Variants in VPS41 observed in about 807,000 individuals in gnomAD.
VPS41 encodes VPS41 subunit of HOPS complex, also known as vacuolar protein sorting-associated protein 41 homolog.
A neutral mutation model predicts 130.9 loss-of-function variants in VPS41; 85 were observed. The observed-to-expected ratio is 0.65, with a 90% CI of 0.55 to 0.78. The LOEUF (loss-of-function observed/expected upper bound fraction) is 0.78, where lower values mean the gene tolerates loss of function less well. Ranked by LOEUF, VPS41 falls within the 30% of genes least tolerant of loss-of-function variation. VPS41 has a pLI of 0.00. For synonymous variants in VPS41, 335 were observed against 332.9 expected, an observed-to-expected ratio of 1.01 and a Z score of -0.07; for missense variants, 874 against 1,018.7, an observed-to-expected ratio of 0.86 and a Z score of 1.93.
chr7:38,820,792 T>C (rs1785153934), intron 6 of VPS41, among the ~76,000 whole-genome samples: 1 of 152,210 alleles, frequency 6.6e-6, no homozygotes, highest in African/African-American at 2.4e-5. Flanking sequence ...TCATCAGTCC[T>C]TCTCCATTTA....
intron 10 of VPS41, among the ~76,000 whole-genome samples, chr7:38,784,021 T>C (rs958835297): frequency 2.0e-5 from 3 of 152,220 alleles, no homozygotes; most frequent in African/African-American, 7.2e-5. Context: ...CTTCCCCAAA[T>C]TGTCTTTAAA....
intron 24 of VPS41, among the ~76,000 whole-genome samples, chr7:38,742,418 G>A (rs975527800): frequency 2.0e-5 from 3 of 152,100 alleles, no homozygotes; most frequent in Non-Finnish European, 4.4e-5. Context: ...TCAAATGGGT[G>A]TAAATAATAT....
intron 4 of VPS41, among the ~76,000 whole-genome samples, chr7:38,842,866 A>C (rs139866557): frequency 2.0e-5 from 3 of 152,296 alleles, no homozygotes; most frequent in Non-Finnish European, 4.4e-5. Flanking sequence ...TTTCAGAACA[A>C]TAACTCACTT....
chr7:38,774,413 T>G (rs181433777), intron 11 of VPS41, among the ~76,000 whole-genome samples, 169 bp from the exon 12 acceptor site: 6 of 152,278 alleles, frequency 3.9e-5, no homozygotes, highest in African/African-American at 1.2e-4. Context: ...CAGTTCTGCA[T>G]GGTGGGAAAG....
intron 19 of VPS41, 45 bp from the exon 20 acceptor site, chr7:38,754,981 A>C (rs1783760575): frequency 6.3e-7 from 1 of 1,577,798 alleles, no homozygotes; most frequent in South Asian, 1.1e-5. Flanking sequence ...TCCGTTATTT[A>C]AGAAGAGAAG....
intron 2 of VPS41, among the ~76,000 whole-genome samples, chr7:38,887,440 T>C (rs979601282): frequency 6.6e-5 from 10 of 151,986 alleles, no homozygotes; most frequent in African/African-American, 2.4e-4. Context: ...TGATTGAAGA[T>C]CGAATTAGTG....
intron 4 of VPS41, among the ~76,000 whole-genome samples, chr7:38,856,696 C>G (rs1785993196): frequency 6.6e-6 from 1 of 152,086 alleles, no homozygotes; most frequent in Non-Finnish European, 1.5e-5. Flanking sequence ...GAGGCTGGTA[C>G]TGACACTATG....
intron 5 of VPS41, among the ~76,000 whole-genome samples, chr7:38,828,647 A>G (rs1785326889): frequency 6.6e-6 from 1 of 152,174 alleles, no homozygotes; most frequent in African/African-American, 2.4e-5. Context: ...GCTTACATGT[A>G]ATTATGTGTA....
At position 38,763,545 on chromosome 7, in the gene VPS41, A is replaced by G; in HGVS notation, c.1332T>C (p.Ala444=). The G allele has an allele frequency of 1.3e-6, 2 of 1,586,350 alleles. No homozygotes were observed. The highest frequency in any genetic ancestry group is 1.7e-6 in the Non-Finnish European group (2 of 1,169,234). Residue 444 remains alanine, a splice_region_variant and synonymous_variant, in exon 17 of 29, where the codon GCT becomes GCC. Coordinates refer to ENST00000310301, the MANE Select transcript of VPS41 (RefSeq NM_014396.4). ...CACCTCTTGGCAAATAAGGACTAAT[A>G]GCCTAGGTAAGGAAAAGGGAAAAAA... ...YKFKEIGQLK[A]ISPYLPRGDP... is the part of the protein sequence containing the mutation.
intron 25 of VPS41, among the ~76,000 whole-genome samples, chr7:38,736,620 C>T (rs1795773077): frequency 6.6e-6 from 1 of 152,170 alleles, no homozygotes; most frequent in Non-Finnish European, 1.5e-5. Context: ...CAAATGGGCC[C>T]AGCAGTGAGA....
intron 10 of VPS41, among the ~76,000 whole-genome samples, chr7:38,777,321 T>C (rs1009772991): frequency 1.3e-5 from 2 of 151,948 alleles, no homozygotes; most frequent in African/African-American, 4.8e-5. Flanking sequence ...ACATCAGTAT[T>C]TCTTAAGTGA....
chr7:38,782,096 C>A (rs1193740424), intron 10 of VPS41, among the ~76,000 whole-genome samples: 1 of 152,170 alleles, frequency 6.6e-6, no homozygotes, highest in Non-Finnish European at 1.5e-5. Context: ...CTGGTGTTAT[C>A]TGGACCTGTT....
intron 5 of VPS41, among the ~76,000 whole-genome samples, chr7:38,825,017 A>G (rs1785243031): frequency 6.6e-6 from 1 of 152,238 alleles, no homozygotes. Flanking sequence ...TTGAAGGCAT[A>G]AGAGTATAGT....
intron 4 of VPS41, among the ~76,000 whole-genome samples, chr7:38,855,606 C>T (rs895672850): frequency 6.6e-6 from 1 of 151,958 alleles, no homozygotes; most frequent in Non-Finnish European, 1.5e-5. Flanking sequence ...GAATGTTTCG[C>T]TACATAAGGG....
chr7:38,773,642 T>C (rs1784197470), intron 12 of VPS41, among the ~76,000 whole-genome samples: 1 of 152,156 alleles, frequency 6.6e-6, no homozygotes, highest in Non-Finnish European at 1.5e-5. Flanking sequence ...AGTGTATTTC[T>C]CCGTCCACTC....
chr7:38,735,775 A>G (rs749950973), intron 25 of VPS41, among the ~76,000 whole-genome samples: 1 of 152,194 alleles, frequency 6.6e-6, no homozygotes, highest in African/African-American at 2.4e-5. Flanking sequence ...CTTTGAAAAC[A>G]ACTATTCCAT....
At chr7:38,799,619 G>A (rs1336028553) in intron 7 of VPS41, among the ~76,000 whole-genome samples, 2 of 152,074 alleles carry the variant, frequency 1.3e-5, no homozygotes, top group Admixed American at 1.3e-4. Context: ...TCACTAAAGA[G>A]CTTAAGTCTC....
chr7:38,733,825 T>C (rs1363134617), intron 25 of VPS41, among the ~76,000 whole-genome samples: 2 of 152,166 alleles, frequency 1.3e-5, no homozygotes, highest in Admixed American at 1.3e-4. Context: ...ACACTTATAA[T>C]CCCAGCACTT....
chr7:38,780,584 C>T (rs1468731891), intron 10 of VPS41, among the ~76,000 whole-genome samples: 2 of 152,122 alleles, frequency 1.3e-5, no homozygotes, highest in African/African-American at 2.4e-5. Context: ...GAGATGAATA[C>T]GATTCTGTAC....
Sources: allele counts gnomAD v4.1 joint callset (sites outside exome capture counted in the v4.1 genomes callset), GRCh38; gene constraint gnomAD v4.1.1; transcripts MANE v1.5; gene names NCBI Gene and HGNC (gene_info 2026-07-23, HGNC 2026-07-21).